The following MGMT variants were observed in gnomAD, a reference collection of about 807,000 sequenced individuals.
MGMT encodes O-6-methylguanine-DNA methyltransferase, also known as methylated-DNA--protein-cysteine methyltransferase.
Under a neutral mutation model 15.9 loss-of-function variants are expected in MGMT, and 14 were observed. The observed-to-expected ratio is 0.88, with a 90% confidence interval of 0.58 to 1.37. The LOEUF (loss-of-function observed/expected upper bound fraction) is 1.37, where lower values mean the gene tolerates loss of function less well. Ranked by LOEUF, MGMT falls within the 40% of genes most tolerant of loss-of-function variation. The pLI is 0.00. For synonymous variants in MGMT, 130 were observed against 118.2 expected (o/e 1.10, Z -0.65); for missense variants, 282 against 268.1 (o/e 1.05, Z -0.36).
chr10:129,737,231 C>T (rs1023379494), intron 3 of MGMT, among the ~76,000 whole-genome samples: 8 of 152,294 alleles, frequency 5.3e-5, no homozygotes, highest in Admixed American at 5.2e-4. Context: ...CACATAGTCC[C>T]ATATTTCTTG....
At chr10:129,601,374 A>C (rs905488922) in intron 2 of MGMT, among the ~76,000 whole-genome samples, 1 of 152,234 alleles carries the variant, frequency 6.6e-6, no homozygotes, top group Non-Finnish European at 1.5e-5. Flanking sequence ...TCTTCTGTTT[A>C]ATCAGAGTTT....
chr10:129,564,282 T>TCCTCCTCTTCCCCCTCTCCTTCCTCCCC (rs1554911868), intron 2 of MGMT: 1 of 27,714 alleles, frequency 3.6e-5, no homozygotes, highest in Non-Finnish European at 7.3e-5. Context: ...CTCTTCCCCC[T>TCCTCCTCTTCCCCCTCTCCTTCCTCCCC]CTCCTTCCTC....
intron 1 of MGMT, among the ~76,000 whole-genome samples, chr10:129,505,799 G>A (rs1431475856): frequency 6.6e-6 from 1 of 152,126 alleles, no homozygotes; most frequent in African/African-American, 2.4e-5. Context: ...TTATTTCCAT[G>A]TTTTCCTGTT....
At chr10:129,645,853 A>G (rs1156768893) in intron 2 of MGMT, among the ~76,000 whole-genome samples, 1 of 152,162 alleles carries the variant, frequency 6.6e-6, no homozygotes, top group East Asian at 1.9e-4. Flanking sequence ...GCATCCATCC[A>G]GTGGCCAGTC....
At chr10:129,641,456 T>G (rs1288451994) in intron 2 of MGMT, among the ~76,000 whole-genome samples, 1 of 152,220 alleles carries the variant, frequency 6.6e-6, no homozygotes, top group East Asian at 1.9e-4. Context: ...TGTGGAAATT[T>G]ACAGTTGTAC....
intron 1 of MGMT, among the ~76,000 whole-genome samples, chr10:129,479,114 C>G (rs1217641109): frequency 1.1e-4 from 16 of 152,160 alleles, no homozygotes; most frequent in Non-Finnish European, 1.5e-5. Flanking sequence ...TTTGATGAAT[C>G]TGAAGTGTAT....
At chr10:129,678,796 G>T (rs1847814852) in intron 2 of MGMT, among the ~76,000 whole-genome samples, 1 of 152,166 alleles carries the variant, frequency 6.6e-6, no homozygotes, top group African/African-American at 2.4e-5. Flanking sequence ...GAAGAGCCGG[G>T]CATGGTGGCT....
intron 3 of MGMT, among the ~76,000 whole-genome samples, chr10:129,709,693 G>T (rs1848208463): frequency 2.0e-5 from 3 of 152,172 alleles, no homozygotes; most frequent in African/African-American, 7.2e-5. Context: ...CCTAAGGTTT[G>T]TTGGGCAACT....
intron 2 of MGMT, among the ~76,000 whole-genome samples, chr10:129,560,954 A>AGT (rs57984603): frequency 0.036 from 4,824 of 133,220 alleles, 106 homozygotes; most frequent in Non-Finnish European, 0.042. Context: ...AGTAAAGAGC[A>AGT]GTGTGTGTGT....
chr10:129,657,420 CAACA>C (rs1218372643), intron 2 of MGMT, among the ~76,000 whole-genome samples: 1 of 149,758 alleles, frequency 6.7e-6, no homozygotes, highest in Non-Finnish European at 1.5e-5. Flanking sequence ...GGGGGGGGAG[CAACA>C]AACAAAACAG....
At chr10:129,663,317 C>T (rs1460875341) in intron 2 of MGMT, among the ~76,000 whole-genome samples, 4 of 152,042 alleles carry the variant, frequency 2.6e-5, no homozygotes, top group African/African-American at 9.7e-5. Flanking sequence ...AAAATAATAA[C>T]TCTGTGTATC....
At chr10:129,630,076 G>A (rs1255157924) in intron 2 of MGMT, among the ~76,000 whole-genome samples, 1 of 152,218 alleles carries the variant, frequency 6.6e-6, no homozygotes, top group Non-Finnish European at 1.5e-5. Context: ...CTGCAGCTGT[G>A]TTCTTTGTCT....
intron 2 of MGMT, among the ~76,000 whole-genome samples, chr10:129,616,027 G>A (rs1448174826): frequency 1.3e-5 from 2 of 152,138 alleles, no homozygotes; most frequent in East Asian, 3.9e-4. Context: ...GATCGTATGT[G>A]TAGAAGTTTG....
At chr10:129,571,484 A>G (rs1846419078) in intron 2 of MGMT, among the ~76,000 whole-genome samples, 1 of 152,214 alleles carries the variant, frequency 6.6e-6, no homozygotes, top group Non-Finnish European at 1.5e-5. Context: ...TGTTTGAAGT[A>G]TTGTATGTTC....
chr10:129,713,693 G>A (rs1370559675), intron 3 of MGMT, among the ~76,000 whole-genome samples: 1 of 152,200 alleles, frequency 6.6e-6, no homozygotes, highest in East Asian at 1.9e-4. Context: ...CAGGATGTGT[G>A]TGAAACAAGG....
intron 1 of MGMT, among the ~76,000 whole-genome samples, chr10:129,490,716 T>G (rs1203670088): frequency 6.6e-6 from 1 of 152,216 alleles, no homozygotes; most frequent in African/African-American, 2.4e-5. Flanking sequence ...TTGAGCTTAC[T>G]TTTACCATCT....
At chr10:129,758,927 C>T (rs1415563579) in intron 3 of MGMT, among the ~76,000 whole-genome samples, 1 of 152,228 alleles carries the variant, frequency 6.6e-6, no homozygotes, top group Non-Finnish European at 1.5e-5. Context: ...CACGCAACCC[C>T]ACGCGGAACA....
intron 2 of MGMT, among the ~76,000 whole-genome samples, chr10:129,601,668 G>A (rs1056708574): frequency 2.0e-5 from 3 of 152,212 alleles, no homozygotes; most frequent in African/African-American, 7.2e-5. Context: ...TTACTGTGGA[G>A]TAGGGAAGAA....
rs1177341307 is a variant in MGMT at position 129,497,323 on chromosome 10, C to T, written c.-13+30027C>T. 2.6e-5 allele frequency among the ~76,000 whole-genome samples: 4 copies of T among 152,132 alleles called. No homozygotes were observed. The East Asian group carries it at 7.7e-4, about 29-fold the overall frequency. ...CTCTGTGCCTCCCCGGTCAGCTGGT[C>T]CGGCACTGCAGTCAGCAGCAAGGGC... On this transcript the variant is annotated intron_variant, in intron 1 of 4. Transcript: ENST00000651593.
Sources: allele counts gnomAD v4.1 joint callset (sites outside exome capture counted in the v4.1 genomes callset), GRCh38; gene constraint gnomAD v4.1.1; transcripts MANE v1.5; gene names NCBI Gene and HGNC (gene_info 2026-07-23, HGNC 2026-07-21).